PLCB1: variants seen among roughly 807,000 people sequenced by gnomAD.
PLCB1 encodes 1-phosphatidylinositol 4,5-bisphosphate phosphodiesterase beta-1.
PLCB1 carries 46 observed loss-of-function variants against 161.8 expected under a neutral mutation model. The observed-to-expected ratio is 0.28, with a 90% CI of 0.22 to 0.36. PLCB1 has a LOEUF of 0.36. PLCB1 is among the 10% of genes least tolerant of loss of function. PLCB1 has a pLI of 1.00. For missense variants in PLCB1, 1,016 were observed against 1,472.5 expected (o/e 0.69, Z 5.07); for synonymous variants, 517 against 503.7 (o/e 1.03, Z -0.35).
chr20:8,136,686 G>A (rs2051353751), intron 1 of PLCB1, among the ~76,000 whole-genome samples: 1 of 151,574 alleles, frequency 6.6e-6, no homozygotes, highest in African/African-American at 2.4e-5. Context: ...TTATCAAGGT[G>A]ATTAGCAGGT....
intron 2 of PLCB1, among the ~76,000 whole-genome samples, chr20:8,292,979 G>A (rs1346869865): frequency 6.6e-6 from 1 of 152,120 alleles, no homozygotes; most frequent in Non-Finnish European, 1.5e-5. Flanking sequence ...GCCATAGTAG[G>A]AAGAGCTTAT....
At chr20:8,324,708 C>T (rs1985075561) in intron 2 of PLCB1, among the ~76,000 whole-genome samples, 1 of 152,140 alleles carries the variant, frequency 6.6e-6, no homozygotes, top group Admixed American at 6.5e-5. Context: ...AAAGTGTAAG[C>T]TCTGCCAAGG....
At chr20:8,586,507 T>A (rs113585492) in intron 3 of PLCB1, among the ~76,000 whole-genome samples, 1 of 151,388 alleles carries the variant, frequency 6.6e-6, no homozygotes, top group African/African-American at 2.4e-5. Flanking sequence ...GAAAAACGTA[T>A]TTGCATTTAA....
intron 2 of PLCB1, among the ~76,000 whole-genome samples, chr20:8,227,775 C>CT (rs1979777212): frequency 6.6e-6 from 1 of 152,168 alleles, no homozygotes; most frequent in African/African-American, 2.4e-5. Flanking sequence ...AATGGTCAAT[C>CT]TGATTTTAAT....
At chr20:8,505,588 T>A (rs1263030313) in intron 3 of PLCB1, among the ~76,000 whole-genome samples, 6 of 152,256 alleles carry the variant, frequency 3.9e-5, no homozygotes, top group African/African-American at 1.4e-4. Context: ...AATTGCTTAT[T>A]ACTGTACCGT....
Position 8,629,877 on chromosome 20 carries a change from C to CTTT in PLCB1, c.384+1447_384+1448insTTT, listed in dbSNP as rs1159340046. ...TCTTTCTTTCTTTCTTTCTTTCTTT[C>CTTT]TCTCTCTCTTTCTTTTCTTTCTTTC... On this transcript the variant is annotated intron_variant, in intron 4 of 31. Transcript: ENST00000338037. Among the ~76,000 whole-genome samples the CTTT allele has an allele frequency of 1.2e-4, 8 of 64,404 alleles. No homozygotes were observed. In the South Asian group the frequency reaches 3.4e-3, roughly 28 times the overall value. The allele number at this position is 64,404 out of a possible 152,430, so 42.3% of individuals were successfully genotyped here. A position where few individuals can be genotyped will look rare whatever the true frequency, so the allele number is the denominator to read the frequency against.
intron 3 of PLCB1, among the ~76,000 whole-genome samples, chr20:8,478,064 G>A (rs1414420274): frequency 2.0e-5 from 3 of 152,160 alleles, no homozygotes; most frequent in Admixed American, 1.3e-4. Context: ...ATTCAAAACA[G>A]GAATAGATTA....
At chr20:8,722,721 A>G (rs1979716850) in intron 15 of PLCB1, among the ~76,000 whole-genome samples, 1 of 152,216 alleles carries the variant, frequency 6.6e-6, no homozygotes, top group Non-Finnish European at 1.5e-5. Flanking sequence ...GCTCAAAAAT[A>G]TTAATTGCAC....
chr20:8,269,076 A>T (rs2743177), intron 2 of PLCB1, among the ~76,000 whole-genome samples: 37,601 of 152,020 alleles, frequency 0.25, 4,776 homozygotes, highest in Non-Finnish European at 0.29. Context: ...TTTATGAAGA[A>T]CTTTTTTTAA....
At chr20:8,133,161 T>C (rs1398647137) in intron 1 of PLCB1, among the ~76,000 whole-genome samples, 3 of 152,124 alleles carry the variant, frequency 2.0e-5, no homozygotes, top group Non-Finnish European at 4.4e-5. Flanking sequence ...ATTACCTCTT[T>C]TGCCCGATTT....
intron 3 of PLCB1, among the ~76,000 whole-genome samples, chr20:8,546,390 T>C (rs1985551180): frequency 6.6e-6 from 1 of 151,450 alleles, no homozygotes; most frequent in African/African-American, 2.4e-5. Flanking sequence ...TTCTAATTGA[T>C]ACCAATGAAT....
chr20:8,694,998 A>G lies in PLCB1; in HGVS notation c.1010-2628A>G, dbSNP rs181769593. Among the ~76,000 whole-genome samples the G allele has an allele frequency of 1.7e-3, 266 of 152,302 alleles. 3 individuals are homozygous for G. The highest frequency in any genetic ancestry group is 2.1e-3 in the Non-Finnish European group (144 of 68,028). ...TGTCCCCTTGTCCCTAATGCAGAAA[A>G]GACCTTTGTAAATCTTTGCCATGAC... On this transcript the variant is annotated intron_variant, in intron 10 of 31. Coordinates refer to ENST00000338037, the MANE Select transcript of PLCB1 (RefSeq NM_015192.4).
At chr20:8,752,852 G>A (rs1056951801) in intron 23 of PLCB1, among the ~76,000 whole-genome samples, 43 of 151,590 alleles carry the variant, frequency 2.8e-4, no homozygotes, top group Admixed American at 2.8e-3. Flanking sequence ...TTAGTCACAT[G>A]TATATGTTAT....
chr20:8,544,659 G>C (rs1654539244), intron 3 of PLCB1, among the ~76,000 whole-genome samples: 1 of 152,192 alleles, frequency 6.6e-6, no homozygotes, highest in African/African-American at 2.4e-5. Flanking sequence ...ACGCCAAGAA[G>C]TTGGAAAGGA....
At chr20:8,607,977 A>G (rs1987804634) in intron 3 of PLCB1, among the ~76,000 whole-genome samples, 1 of 152,204 alleles carries the variant, frequency 6.6e-6, no homozygotes, top group Admixed American at 6.5e-5. Context: ...ATGTATCAAG[A>G]CATCATGTTG....
chr20:8,713,146 G>T (rs1172478543), intron 12 of PLCB1, among the ~76,000 whole-genome samples: 1 of 152,030 alleles, frequency 6.6e-6, no homozygotes, highest in African/African-American at 2.4e-5. Context: ...CCTACCTCTT[G>T]TTCTGTCCAT....
chr20:8,396,794 C>T (rs1438807226), intron 3 of PLCB1, among the ~76,000 whole-genome samples: 1 of 151,986 alleles, frequency 6.6e-6, no homozygotes, highest in Non-Finnish European at 1.5e-5. Flanking sequence ...TTAAAGTTTT[C>T]TCATCTAACA....
chr20:8,340,463 C>T (rs1459505989), intron 2 of PLCB1, among the ~76,000 whole-genome samples: 1 of 152,152 alleles, frequency 6.6e-6, no homozygotes, highest in Non-Finnish European at 1.5e-5. Context: ...CGCTCTGTCG[C>T]CCAGGCTGGA....
In PLCB1 at chr20:8,581,564, T is replaced by G. The variant is rs1986834104; in HGVS notation, c.247-46730T>G. ...TTACAAGGTTTGACATAGGCAACAGTTACTATGGGAAATCAGGAAGGTAAA... is the reference window on the plus strand; with the variant it reads ...TTACAAGGTTTGACATAGGCAACAGGTACTATGGGAAATCAGGAAGGTAAA... On this transcript the variant is annotated intron_variant, in intron 3 of 31. Coordinates refer to ENST00000338037, the MANE Select transcript of PLCB1 (RefSeq NM_015192.4). Among the ~76,000 whole-genome samples, 7 of 152,136 alleles carry G rather than the reference T, an allele frequency of 4.6e-5. No homozygotes were observed. In the South Asian group the frequency reaches 1.4e-3, roughly 32 times the overall value.
Sources: allele counts gnomAD v4.1 joint callset (sites outside exome capture counted in the v4.1 genomes callset), GRCh38; gene constraint gnomAD v4.1.1; transcripts MANE v1.5; gene names NCBI Gene and HGNC (gene_info 2026-07-23, HGNC 2026-07-21).